FBXO42: variants seen among roughly 807,000 people sequenced by gnomAD.
The protein encoded by FBXO42 is F-box only protein 42.
FBXO42 carries 12 observed loss-of-function variants against 71.7 expected under a neutral mutation model. The ratio of observed to expected loss-of-function variants is 0.17; its 90% CI spans 0.11 to 0.27. The LOEUF is 0.27. Among genes scored for constraint, FBXO42 ranks in the 10% least tolerant of loss-of-function variants. The pLI is 1.00. For missense variants in FBXO42, 707 were observed against 911.9 expected (o/e 0.78, Z 2.89); for synonymous variants, 325 against 327.5 (o/e 0.99, Z 0.08).
intron 1 of FBXO42, among the ~76,000 whole-genome samples, chr1:16,323,874 T>G (rs2082430232): frequency 6.7e-6 from 1 of 149,874 alleles, no homozygotes; most frequent in African/African-American, 2.5e-5. Context: ...GGGACTGGAC[T>G]GAATGGAGGA....
intron 2 of FBXO42, among the ~76,000 whole-genome samples, chr1:16,312,967 G>C (rs758604250): frequency 4.6e-5 from 7 of 151,776 alleles, no homozygotes; most frequent in Non-Finnish European, 7.4e-5. Flanking sequence ...ACTAATTTTT[G>C]TATTTTTAGT....
intron 1 of FBXO42, among the ~76,000 whole-genome samples, chr1:16,328,893 G>A (rs920480404): frequency 5.9e-5 from 9 of 152,028 alleles, no homozygotes; most frequent in South Asian, 2.1e-4. Context: ...GGCCGGGTGC[G>A]GTGGCTCACG....
At chr1:16,324,909 T>C (rs956515851) in intron 1 of FBXO42, among the ~76,000 whole-genome samples, 5 of 152,132 alleles carry the variant, frequency 3.3e-5, no homozygotes, top group African/African-American at 7.2e-5. Flanking sequence ...TGTCAAATTA[T>C]TGTAACTTAA....
intron 1 of FBXO42, among the ~76,000 whole-genome samples, chr1:16,351,194 A>G (rs2082699807): frequency 6.6e-6 from 1 of 152,212 alleles, no homozygotes; most frequent in Non-Finnish European, 1.5e-5. Flanking sequence ...CGCCTCAACA[A>G]TTCTGCATAG....
At chr1:16,299,038 AG>A (rs2082161811) in intron 3 of FBXO42, among the ~76,000 whole-genome samples, 2 of 151,886 alleles carry the variant, frequency 1.3e-5, no homozygotes, top group Admixed American at 1.3e-4. Flanking sequence ...CTCGAGACAG[AG>A]TCTTGCTCTG....
At chr1:16,316,296 G>A (rs982914764) in intron 1 of FBXO42, among the ~76,000 whole-genome samples, 3 of 151,734 alleles carry the variant, frequency 2.0e-5, no homozygotes, top group Non-Finnish European at 2.9e-5. Context: ...CTGCAACTGT[G>A]GTGTTTACCC....
chr1:16,281,338 A>T (rs1478435501), intron 4 of FBXO42, among the ~76,000 whole-genome samples: 1 of 152,234 alleles, frequency 6.6e-6, no homozygotes, highest in African/African-American at 2.4e-5. Context: ...GATAATATGC[A>T]TAAAGAATCT....
At chr1:16,317,756 T>G (rs1331179857) in intron 1 of FBXO42, among the ~76,000 whole-genome samples, 3 of 151,734 alleles carry the variant, frequency 2.0e-5, no homozygotes, top group African/African-American at 7.3e-5. Context: ...AGACACCATC[T>G]CTACAAAAAA....
chr1:16,285,513 C>T (rs2082012435), intron 4 of FBXO42, among the ~76,000 whole-genome samples: 1 of 152,114 alleles, frequency 6.6e-6, no homozygotes, highest in Admixed American at 6.6e-5. Context: ...ACCTCCTGAT[C>T]TGCCTGCCTT....
At chr1:16,315,532 C>T (rs1439397506) in intron 1 of FBXO42, 97 bp from the exon 2 acceptor site, 10 of 1,272,248 alleles carry the variant, frequency 7.9e-6, no homozygotes, top group Non-Finnish European at 1.1e-5. Flanking sequence ...TTCGTTTCCA[C>T]TCTCAGTGTG....
chr1:16,255,300 A>G (rs1004758162), intron 6 of FBXO42, among the ~76,000 whole-genome samples: 1 of 151,958 alleles, frequency 6.6e-6, no homozygotes, highest in African/African-American at 2.4e-5. Flanking sequence ...TAATTGGATT[A>G]ATTAGAGCCA....
intron 3 of FBXO42, among the ~76,000 whole-genome samples, chr1:16,299,945 A>C (rs6603853): frequency 6.6e-6 from 1 of 151,988 alleles, no homozygotes; most frequent in African/African-American, 2.4e-5. Flanking sequence ...GCCCGGCCAC[A>C]CTCAACTATT....
intron 1 of FBXO42, among the ~76,000 whole-genome samples, chr1:16,343,879 T>G (rs2082630219): frequency 1.3e-5 from 2 of 148,802 alleles, no homozygotes; most frequent in South Asian, 4.2e-4. Flanking sequence ...CTCGGGAGGC[T>G]GAGGCAGGAG....
chr1:16,250,894 T>G lies in FBXO42; in HGVS notation c.1930A>C (p.Met644Leu), dbSNP rs757143697. ...PLYQSMNCKP[M>L]QMYVLDIKDT... ...TTAATGTCCAGCACGTACATCTGCATGGGCTTGCAGTTCATACTCTGGTAT... is the reference window on the plus strand; with the variant it reads ...TTAATGTCCAGCACGTACATCTGCAGGGGCTTGCAGTTCATACTCTGGTAT... Residue 644 changes from methionine to leucine, a missense_variant, in exon 10 of 10, where the codon ATG becomes CTG. Transcript: ENST00000375592. This position sits in a 1 kb window ranked among gnomAD's most constrained non-coding sequence, Gnocchi z 4.7. The G allele has an allele frequency of 1.9e-6, 3 of 1,614,056 alleles. No homozygotes were observed.
chr1:16,303,531 C>G (rs1169381528), intron 3 of FBXO42, among the ~76,000 whole-genome samples: 1 of 151,784 alleles, frequency 6.6e-6, no homozygotes, highest in Non-Finnish European at 1.5e-5. Flanking sequence ...GTCTTTAGTC[C>G]AGGTTCACAT....
intron 6 of FBXO42, among the ~76,000 whole-genome samples, chr1:16,254,137 G>T (rs957434203): frequency 6.6e-6 from 1 of 152,164 alleles, no homozygotes; most frequent in African/African-American, 2.4e-5. Context: ...GTCATCCTGA[G>T]ACCCTCCCTC....
At chr1:16,310,737 G>A (rs2082304729) in intron 2 of FBXO42, among the ~76,000 whole-genome samples, 1 of 152,094 alleles carries the variant, frequency 6.6e-6, no homozygotes, top group South Asian at 2.1e-4. Flanking sequence ...GCTCACGTCT[G>A]TAATCCTAGC....
chr1:16,251,368 G>A lies in FBXO42; in HGVS notation c.1456C>T (p.Arg486Ter). ...TCTTTCTGATCTGGTAGTGATCCTCGTCGGGGGGCCAAAGAAAGTCCTATT... is the reference window on the plus strand; with the variant it reads ...TCTTTCTGATCTGGTAGTGATCCTCATCGGGGGGCCAAAGAAAGTCCTATT... ...LKIGLSLAPR[R>*]GSLPDQKDLR... The change falls in exon 10 of 10, where the codon CGA becomes TGA. Residue 486 changes from arginine to a stop codon, truncating the protein, a stop_gained. Transcript: ENST00000375592. LOFTEE classifies it high-confidence loss of function. The surrounding 1 kb of genome is among the most constrained non-coding windows in gnomAD (Gnocchi z 4.5). The A allele has an allele frequency of 6.2e-7, 1 of 1,614,154 alleles. No individual in the cohort carries two copies. Among genetic ancestry groups the A allele is most frequent in the Non-Finnish European group, 8.5e-7 (1 of 1,180,026 alleles).
At chr1:16,290,835 T>C (rs1000792133) in intron 4 of FBXO42, among the ~76,000 whole-genome samples, 4 of 152,216 alleles carry the variant, frequency 2.6e-5, no homozygotes, top group African/African-American at 9.6e-5. Flanking sequence ...TTCCAGCCTC[T>C]AGAACTGTGA....
Sources: allele counts gnomAD v4.1 joint callset (sites outside exome capture counted in the v4.1 genomes callset), GRCh38; gene constraint gnomAD v4.1.1; non-coding constraint Gnocchi (gnomAD v3.1); transcripts MANE v1.5; gene names NCBI Gene and HGNC (gene_info 2026-07-23, HGNC 2026-07-21).